Variants in MB21D2 observed in about 807,000 individuals in gnomAD.
The protein encoded by MB21D2 is Mab-21 domain containing 2.
Under a neutral mutation model 33.3 loss-of-function variants are expected in MB21D2, and 9 were observed. The ratio of observed to expected loss-of-function variants is 0.27; its 90% CI spans 0.16 to 0.47. The LOEUF (loss-of-function observed/expected upper bound fraction) is 0.47, where lower values mean the gene tolerates loss of function less well. MB21D2 is among the 20% of genes least tolerant of loss of function. The pLI, the probability that MB21D2 is intolerant of heterozygous loss-of-function variation, is 0.99. For synonymous variants in MB21D2, 241 were observed against 236.3 expected, an observed-to-expected ratio of 1.02 and a Z score of -0.18; for missense variants, 540 against 624.6, an observed-to-expected ratio of 0.86 and a Z score of 1.44.
At chr3:192,854,599 A>T (rs1712877916) in intron 1 of MB21D2, among the ~76,000 whole-genome samples, 1 of 152,246 alleles carries the variant, frequency 6.6e-6, no homozygotes, top group African/African-American at 2.4e-5. Context: ...AATGGAGATG[A>T]AACAGTCTTG....
In MB21D2 at chr3:192,799,710, T is replaced by C. The variant is rs544258906; in HGVS notation, c.212-60A>G. 2.0e-6 allele frequency: 3 copies of C among 1,508,458 alleles called. No individual in the cohort carries two copies. Among genetic ancestry groups the C allele is most frequent in the South Asian group, 1.3e-5 (1 of 76,184 alleles). 93.4% of individuals were successfully genotyped at this position (1,508,458 alleles called of 1,614,324 possible). A position where few individuals can be genotyped will look rare whatever the true frequency, so the allele number is the denominator to read the frequency against. On this transcript the variant is annotated intron_variant, in intron 1 of 1. Transcript: ENST00000392452. The surrounding 1 kb of genome is among the most constrained non-coding windows in gnomAD (Gnocchi z 4.1). Reference sequence around the variant, plus strand: ...AGGAAACACAGACATAAGAGTCTTATGCATGAAACAGAATGCTCTGATGTT... The same window carrying C: ...AGGAAACACAGACATAAGAGTCTTACGCATGAAACAGAATGCTCTGATGTT...
At chr3:192,916,176 C>A (rs1714462039) in intron 1 of MB21D2, among the ~76,000 whole-genome samples, 1 of 150,918 alleles carries the variant, frequency 6.6e-6, no homozygotes, top group Non-Finnish European at 1.5e-5. Flanking sequence ...AATAGTTTTT[C>A]AACCTCATAC....
intron 1 of MB21D2, among the ~76,000 whole-genome samples, chr3:192,912,126 T>C (rs1714371087): frequency 6.6e-6 from 1 of 152,150 alleles, no homozygotes; most frequent in African/African-American, 2.4e-5. Context: ...ATCTTTGAAA[T>C]GGCCACATGG....
intron 1 of MB21D2, among the ~76,000 whole-genome samples, chr3:192,878,246 C>T (rs185030786): frequency 1.6e-4 from 24 of 152,080 alleles, no homozygotes; most frequent in Admixed American, 1.1e-3. Flanking sequence ...AAGGAGAGAG[C>T]GACAAAATGA....
intron 1 of MB21D2, among the ~76,000 whole-genome samples, chr3:192,861,534 C>T (rs1024585817): frequency 2.3e-4 from 35 of 152,312 alleles, no homozygotes; most frequent in African/African-American, 6.5e-4. Context: ...GGGCCAGGTG[C>T]GGTGGCTCAC....
intron 1 of MB21D2, among the ~76,000 whole-genome samples, chr3:192,888,926 C>A (rs1713790540): frequency 6.6e-6 from 1 of 151,998 alleles, no homozygotes; most frequent in African/African-American, 2.4e-5. Flanking sequence ...GGCTGGAGTG[C>A]AGTGGTGCGA....
intron 1 of MB21D2, among the ~76,000 whole-genome samples, chr3:192,844,148 C>T (rs1043520223): frequency 6.6e-6 from 1 of 152,214 alleles, no homozygotes; most frequent in African/African-American, 2.4e-5. Context: ...GCCGCAGCCT[C>T]GCCAGCCCAC....
chr3:192,846,180 AG>A (rs1349835555), intron 1 of MB21D2, among the ~76,000 whole-genome samples: 1 of 152,194 alleles, frequency 6.6e-6, no homozygotes, highest in South Asian at 2.1e-4. Flanking sequence ...CTCTAATCAC[AG>A]TCATTATCTG....
At chr3:192,908,481 C>T (rs547949084) in intron 1 of MB21D2, among the ~76,000 whole-genome samples, 37 of 151,366 alleles carry the variant, frequency 2.4e-4, no homozygotes, top group African/African-American at 8.2e-4. Context: ...TCACTGCAAG[C>T]TCCGCCTCCT....
rs1378301539 is a variant in MB21D2, at chr3:192,797,703, T to A, written c.*683A>T. 2 of 152,738 alleles carry A rather than the reference T, an allele frequency of 1.3e-5. No individual in the cohort carries two copies. The highest frequency in any genetic ancestry group is 3.9e-4 in the East Asian group (2 of 5,180). 9.5% of individuals were successfully genotyped at this position (152,738 alleles called of 1,614,324 possible). ...ATAATTACATATGCTAAAATTAACA[T>A]TTGGAAACCTTAATTCTGCTTGGAA... On this transcript the variant is annotated 3_prime_UTR_variant, in exon 2 of 2. Coordinates refer to ENST00000392452, the MANE Select transcript of MB21D2 (RefSeq NM_178496.4).
intron 1 of MB21D2, among the ~76,000 whole-genome samples, chr3:192,855,631 G>C (rs374047283): frequency 6.6e-6 from 1 of 152,284 alleles, no homozygotes; most frequent in Admixed American, 6.5e-5. Flanking sequence ...AAAACACAGA[G>C]TCAAAACACA....
chr3:192,892,194 G>C (rs572029535), intron 1 of MB21D2, among the ~76,000 whole-genome samples: 12 of 152,244 alleles, frequency 7.9e-5, no homozygotes, highest in South Asian at 4.2e-4. Flanking sequence ...CCCACTGCCC[G>C]TGAGGCAGGG....
intron 1 of MB21D2, among the ~76,000 whole-genome samples, chr3:192,872,670 G>A (rs779438526): frequency 6.6e-6 from 1 of 152,140 alleles, no homozygotes; most frequent in African/African-American, 2.4e-5. Flanking sequence ...TTCCCTACGG[G>A]GATGGCTAAA....
chr3:192,835,318 T>C (rs1712412832), intron 1 of MB21D2, among the ~76,000 whole-genome samples: 2 of 150,722 alleles, frequency 1.3e-5, no homozygotes, highest in Non-Finnish European at 3.0e-5. Context: ...TAGCTGGGTG[T>C]GGTGGCGGGC....
chr3:192,915,849 T>C (rs1324155089), intron 1 of MB21D2, among the ~76,000 whole-genome samples: 2 of 152,126 alleles, frequency 1.3e-5, no homozygotes, highest in Non-Finnish European at 2.9e-5. Context: ...CCCTAACTGG[T>C]GGTGACCCAG....
At chr3:192,900,451 G>A (rs1362736304) in intron 1 of MB21D2, among the ~76,000 whole-genome samples, 1 of 152,152 alleles carries the variant, frequency 6.6e-6, no homozygotes, top group Non-Finnish European at 1.5e-5. Flanking sequence ...GCATTTAAAA[G>A]GGACAAGAAT....
At chr3:192,844,047 T>G (rs1439693868) in intron 1 of MB21D2, among the ~76,000 whole-genome samples, 1 of 152,230 alleles carries the variant, frequency 6.6e-6, no homozygotes, top group East Asian at 1.9e-4. Context: ...GTGCTATTTC[T>G]GTCCAGGTTT....
At chr3:192,831,203 A>G (rs1712306951) in intron 1 of MB21D2, among the ~76,000 whole-genome samples, 1 of 152,168 alleles carries the variant, frequency 6.6e-6, no homozygotes, top group Non-Finnish European at 1.5e-5. Flanking sequence ...CAGCACTTCA[A>G]AGGAACCTTG....
At chr3:192,894,117 GTTGT>G (rs1266929325) in intron 1 of MB21D2, among the ~76,000 whole-genome samples, 2 of 151,842 alleles carry the variant, frequency 1.3e-5, no homozygotes, top group African/African-American at 4.8e-5. Flanking sequence ...GCAAATTTTT[GTTGT>G]TTTTGTTTTG....
Sources: gnomAD v4.1 joint callset for allele counts (sites outside exome capture counted in the v4.1 genomes callset) on GRCh38, gnomAD v4.1.1 for gene constraint, Gnocchi (gnomAD v3.1) non-coding constraint, MANE v1.5 for transcripts, NCBI Gene and HGNC (gene_info 2026-07-23, HGNC 2026-07-21) for gene names.